Variants in ATP13A4 observed in about 807,000 individuals in gnomAD.
The protein encoded by ATP13A4 is ATPase 13A4.
ATP13A4 carries 114 observed loss-of-function variants against 142.5 expected under a neutral mutation model. That is an observed-to-expected ratio of 0.80 (90% CI 0.69 to 0.93). The LOEUF is 0.93. ATP13A4 is among the 40% of genes least tolerant of loss of function. The probability of loss-of-function intolerance (pLI) is 0.00; values close to 1 mark genes in which losing one functional copy is unlikely to be tolerated. For synonymous variants in ATP13A4, 488 were observed against 514.8 expected (o/e 0.95, Z 0.70); for missense variants, 1,392 against 1,454.0 (o/e 0.96, Z 0.69).
rs116378784 is a variant in ATP13A4 at position 193,425,500 on chromosome 3, T to C, written c.2842+8345A>G. On this transcript the variant is annotated intron_variant, in intron 25 of 29. Transcript: ENST00000342695. ...AGGTGAATGAATAAAGAACATGTGGTATACACGATGGAATACTATTGAGCC... is the reference window on the plus strand; with the variant it reads ...AGGTGAATGAATAAAGAACATGTGGCATACACGATGGAATACTATTGAGCC... Among the ~76,000 whole-genome samples, 793 of 151,826 alleles carry C rather than the reference T, an allele frequency of 5.2e-3. 8 individuals carry two copies. The highest frequency in any genetic ancestry group is 0.018 in the African/African-American group (765 of 41,510).
upstream of ATP13A4, among the ~76,000 whole-genome samples, chr3:193,558,273 C>T (rs563113906): frequency 2.6e-5 from 4 of 152,312 alleles, no homozygotes; most frequent in South Asian, 8.3e-4. Flanking sequence ...CTTGAATTCA[C>T]CCTCCCTTTC....
intron 1 of ATP13A4, among the ~76,000 whole-genome samples, chr3:193,520,071 A>G (rs539943111): frequency 1.8e-4 from 28 of 152,288 alleles, no homozygotes; most frequent in Non-Finnish European, 3.1e-4. Flanking sequence ...CCAGCATCAC[A>G]TACATTATCT....
chr3:193,559,685 T>C (rs1174248923), upstream of ATP13A4, among the ~76,000 whole-genome samples: 1 of 152,196 alleles, frequency 6.6e-6, no homozygotes, highest in Non-Finnish European at 1.5e-5. Flanking sequence ...TGTCTCTGCT[T>C]CTCAGAGGAC....
chr3:193,566,189 T>G lies in ATP13A4; in HGVS notation n.291+15518A>C, dbSNP rs565862793. 6.6e-5 allele frequency among the ~76,000 whole-genome samples: 10 copies of G among 152,314 alleles called. No homozygotes were observed. The South Asian group carries it at 2.1e-3, about 32-fold the overall frequency. On this transcript the variant is annotated intron_variant and non_coding_transcript_variant, in intron 2 of 3. Transcript: ENST00000489140. ...TCTCCTGGGGTAATGGACCTGCCCTTGTTCTCCTAACCTACTCTTTTTGCT... is the reference window on the plus strand; with the variant it reads ...TCTCCTGGGGTAATGGACCTGCCCTGGTTCTCCTAACCTACTCTTTTTGCT...
chr3:193,492,050 A>G (rs1719973393), intron 5 of ATP13A4, among the ~76,000 whole-genome samples: 2 of 152,218 alleles, frequency 1.3e-5, no homozygotes, highest in South Asian at 4.1e-4. Flanking sequence ...CTCAGATTAA[A>G]TAGCTTGGTC....
At chr3:193,421,740 TATAAG>T (rs1212567840) in intron 25 of ATP13A4, among the ~76,000 whole-genome samples, 4 of 149,878 alleles carry the variant, frequency 2.7e-5, no homozygotes, top group Non-Finnish European at 5.9e-5. Flanking sequence ...CCATTATAAT[TATAAG>T]ATATTTTATG....
At chr3:193,486,214 A>G (rs1719607218) in intron 7 of ATP13A4, among the ~76,000 whole-genome samples, 1 of 152,060 alleles carries the variant, frequency 6.6e-6, no homozygotes, top group Admixed American at 6.5e-5. Context: ...TCTAGAAACT[A>G]AAAAGTTTGT....
In ATP13A4 at chr3:193,417,388, T is replaced by C. The variant is rs943831585; in HGVS notation, c.2843-2638A>G. Among the ~76,000 whole-genome samples, 4 of 152,320 alleles carry C rather than the reference T, an allele frequency of 2.6e-5. No homozygotes were observed. The East Asian group carries it at 7.7e-4, about 29-fold the overall frequency. ...CACTTTATATATCCATGTTATTTAG[T>C]ACACAATGGAAAAAGATGTAATTTG... On this transcript the variant is annotated intron_variant, in intron 25 of 29. Coordinates refer to ENST00000342695, the MANE Select transcript of ATP13A4 (RefSeq NM_032279.4).
chr3:193,508,525 A>G (rs1403904555), intron 2 of ATP13A4, among the ~76,000 whole-genome samples: 1 of 152,222 alleles, frequency 6.6e-6, no homozygotes, highest in Non-Finnish European at 1.5e-5. Context: ...ACTGGTAAGG[A>G]CCAAATGAGA....
intron 1 of ATP13A4, among the ~76,000 whole-genome samples, chr3:193,586,426 C>T (rs775358830): frequency 6.6e-6 from 1 of 152,086 alleles, no homozygotes; most frequent in East Asian, 1.9e-4. Context: ...TGCAAAGATA[C>T]TGTATTTTCT....
chr3:193,544,605 G>A (rs1723123049), intron 1 of ATP13A4, among the ~76,000 whole-genome samples: 1 of 152,298 alleles, frequency 6.6e-6, no homozygotes, highest in Admixed American at 6.5e-5. Context: ...TGACGAAAAA[G>A]TGAAGGAGTA....
In ATP13A4 at chr3:193,435,699, G is replaced by A; in HGVS notation, c.2718C>T (p.Tyr906=). Residue 906 remains tyrosine, a synonymous_variant, in exon 24 of 30, where the codon TAC becomes TAT. Coordinates refer to ENST00000342695, the MANE Select transcript of ATP13A4 (RefSeq NM_032279.4). ...ALVTSFCMFK[Y]MALYSMIQYV... is the part of the protein sequence containing the mutation. ...ACTGAATCATGCTGTACAGAGCCAT[G>A]TACTTAAACATGCAAAAGGAGGTAA... 6.2e-7 allele frequency: 1 copy of A among 1,614,090 alleles called. No individual in the cohort carries two copies.
At chr3:193,514,971 G>A (rs1277876472) in intron 1 of ATP13A4, 100 bp from the exon 2 acceptor site, 2 of 1,332,474 alleles carry the variant, frequency 1.5e-6, no homozygotes, top group Non-Finnish European at 2.1e-6. Flanking sequence ...CAGAGTGAAG[G>A]AGTTGAGGAG....
chr3:193,400,711 G>A lies in ATP13A4; in HGVS notation c.*1941C>T, dbSNP rs944090523. On this transcript the variant is annotated 3_prime_UTR_variant, in exon 30 of 30. Coordinates refer to ENST00000342695, the MANE Select transcript of ATP13A4 (RefSeq NM_032279.4). Reference sequence around the variant, plus strand: ...ATAAGCCCTTCCTTGTTCAGTCATGGGACAATTGGTACCATTCAGGTGAGT... The same window carrying A: ...ATAAGCCCTTCCTTGTTCAGTCATGAGACAATTGGTACCATTCAGGTGAGT... 1.3e-4 allele frequency among the ~76,000 whole-genome samples: 4 copies of A among 31,420 alleles called. No individual in the cohort carries two copies. The highest frequency in any genetic ancestry group is 4.5e-4 in the African/African-American group (4 of 8,832). The allele number at this position is 31,420 out of a possible 152,430, so 20.6% of individuals were successfully genotyped here. A position where few individuals can be genotyped will look rare whatever the true frequency, so the allele number is the denominator to read the frequency against.
chr3:193,467,416 A>ACTCTG lies in ATP13A4; in HGVS notation c.1009_1013dup (p.Glu339ArgfsTer28). 1 of 1,613,878 alleles carries ACTCTG rather than the reference A, an allele frequency of 6.2e-7. No homozygotes were observed. Among genetic ancestry groups the ACTCTG allele is most frequent in the Non-Finnish European group, 8.5e-7 (1 of 1,179,948 alleles). On this transcript the variant is annotated frameshift_variant, in exon 10 of 30. Coordinates refer to ENST00000342695, the MANE Select transcript of ATP13A4 (RefSeq NM_032279.4). LOFTEE classifies it high-confidence loss of function. ...GGACATGCCGCTTGTAATCCGCTTC[A>ACTCTG]CTCTGTGTTTTCCAGGGCACAGAGC...
chr3:193,576,894 G>A (rs1448435313), intron 2 of ATP13A4, among the ~76,000 whole-genome samples: 1 of 152,224 alleles, frequency 6.6e-6, no homozygotes, highest in African/African-American at 2.4e-5. Context: ...GAATGTTCTA[G>A]CAATCAAGAT....
chr3:193,438,788 T>G (rs946995409), intron 22 of ATP13A4, among the ~76,000 whole-genome samples: 6 of 152,202 alleles, frequency 3.9e-5, no homozygotes, highest in African/African-American at 1.4e-4. Flanking sequence ...AACCAAATTC[T>G]ACTCTGTGTA....
At chr3:193,557,011 C>T (rs1723913990), upstream of ATP13A4, among the ~76,000 whole-genome samples, 1 of 152,120 alleles carries the variant, frequency 6.6e-6, no homozygotes, top group Non-Finnish European at 1.5e-5. Context: ...GCAATATTTG[C>T]AGTTTCCTTT....
intron 3 of ATP13A4, among the ~76,000 whole-genome samples, chr3:193,494,434 T>C (rs766157990): frequency 6.6e-6 from 1 of 152,030 alleles, no homozygotes; most frequent in Non-Finnish European, 1.5e-5. Context: ...TTTCTGACTA[T>C]AATAGTATAA....
Sources: allele counts gnomAD v4.1 joint callset (sites outside exome capture counted in the v4.1 genomes callset), GRCh38; gene constraint gnomAD v4.1.1; transcripts MANE v1.5; gene names NCBI Gene and HGNC (gene_info 2026-07-23, HGNC 2026-07-21).